CADM2: variants seen among roughly 807,000 people sequenced by gnomAD.
CADM2 encodes cell adhesion molecule 2, also known as immunoglobulin superfamily member 4D.
Under a neutral mutation model 49.8 loss-of-function variants are expected in CADM2, and 12 were observed. The observed-to-expected ratio is 0.24, with a 90% CI of 0.15 to 0.39. The LOEUF is 0.39. Among genes scored for constraint, CADM2 ranks in the 10% least tolerant of loss-of-function variants. The probability of loss-of-function intolerance (pLI) is 1.00; values close to 1 mark genes in which losing one functional copy is unlikely to be tolerated. For synonymous variants in CADM2, 214 were observed against 175.4 expected (o/e 1.22, Z -1.74); for missense variants, 378 against 492.3 (o/e 0.77, Z 2.20).
At chr3:85,853,972 A>G (rs190348880) in intron 3 of CADM2, among the ~76,000 whole-genome samples, 1 of 152,296 alleles carries the variant, frequency 6.6e-6, no homozygotes, top group African/African-American at 2.4e-5. Context: ...GTGGTGATGT[A>G]ATGATGAGCC....
intron 5 of CADM2, among the ~76,000 whole-genome samples, chr3:85,898,937 G>GTGTGTGTATATATATATATA (rs796467067): frequency 4.3e-5 from 2 of 46,678 alleles, no homozygotes; most frequent in Admixed American, 3.5e-4. Context: ...CATTTATTGT[G>GTGTGTGTATATATATATATA]TATATATATA....
chr3:85,440,448 C>T (rs2037147651), intron 1 of CADM2, among the ~76,000 whole-genome samples: 1 of 152,042 alleles, frequency 6.6e-6, no homozygotes, highest in Non-Finnish European at 1.5e-5. Flanking sequence ...TTTACAAAAG[C>T]AAGTGAGTAT....
At chr3:86,062,521 T>C (rs1432020170) in intron 8 of CADM2, among the ~76,000 whole-genome samples, 1 of 152,154 alleles carries the variant, frequency 6.6e-6, no homozygotes, top group Non-Finnish European at 1.5e-5. Flanking sequence ...CTCACACCTG[T>C]AATCCCAGCA....
intron 1 of CADM2, among the ~76,000 whole-genome samples, chr3:85,470,264 A>C (rs187786668): frequency 1.3e-5 from 2 of 152,256 alleles, no homozygotes; most frequent in Admixed American, 6.5e-5. Flanking sequence ...ATGCATCTTA[A>C]GGTGGTGATG....
chr3:85,325,688 CAAA>C (rs35096319), intron 1 of CADM2, among the ~76,000 whole-genome samples: 9,655 of 92,576 alleles, frequency 0.1, 538 homozygotes, highest in African/African-American at 0.22. Flanking sequence ...AAGACTCCAT[CAAA>C]AAAAAAAAAA....
chr3:85,288,562 C>G (rs79547073), intron 1 of CADM2, among the ~76,000 whole-genome samples: 1 of 151,892 alleles, frequency 6.6e-6, no homozygotes, highest in African/African-American at 2.4e-5. Flanking sequence ...GCATAATGCT[C>G]TGCAGAATTT....
At chr3:85,163,681 T>C (rs2040391198) in intron 1 of CADM2, among the ~76,000 whole-genome samples, 1 of 152,104 alleles carries the variant, frequency 6.6e-6, no homozygotes, top group African/African-American at 2.4e-5. Context: ...TACTCATTTA[T>C]CTTTTCACAG....
At chr3:85,395,369 T>A (rs979252041) in intron 1 of CADM2, among the ~76,000 whole-genome samples, 11 of 151,068 alleles carry the variant, frequency 7.3e-5, no homozygotes, top group African/African-American at 2.7e-4. Flanking sequence ...ATTGGCTACC[T>A]CTTAGAGCAT....
intron 2 of CADM2, among the ~76,000 whole-genome samples, chr3:85,785,907 A>G (rs1240787140): frequency 1.1e-4 from 16 of 152,120 alleles, no homozygotes; most frequent in African/African-American, 3.6e-4. Flanking sequence ...GTACATAGCA[A>G]CTTCCTCAGT....
chr3:85,451,313 A>C (rs1437578835), intron 1 of CADM2, among the ~76,000 whole-genome samples: 1 of 152,104 alleles, frequency 6.6e-6, no homozygotes, highest in African/African-American at 2.4e-5. Flanking sequence ...TCAATGGACA[A>C]AAGCTAATTT....
chr3:85,310,963 A>C (rs2044327896), intron 1 of CADM2, among the ~76,000 whole-genome samples: 3 of 152,318 alleles, frequency 2.0e-5, no homozygotes, highest in Admixed American at 6.5e-5. Context: ...GTTCTAAACT[A>C]TGCTAGAGGC....
chr3:85,648,754 A>G (rs1320847084), intron 1 of CADM2, among the ~76,000 whole-genome samples: 1 of 152,044 alleles, frequency 6.6e-6, no homozygotes, highest in Non-Finnish European at 1.5e-5. Context: ...TTTTACACAC[A>G]TTACAAGAGC....
intron 1 of CADM2, among the ~76,000 whole-genome samples, chr3:85,396,635 T>C (rs994523657): frequency 7.2e-5 from 11 of 152,088 alleles, no homozygotes; most frequent in Admixed American, 3.3e-4. Flanking sequence ...ATGTCTTTGA[T>C]ATTTAATGTT....
intron 1 of CADM2, among the ~76,000 whole-genome samples, chr3:85,155,182 A>G (rs1288536716): frequency 6.7e-6 from 1 of 150,228 alleles, no homozygotes; most frequent in African/African-American, 2.5e-5. Flanking sequence ...AGTGTGCTGT[A>G]TTCAGGAAAC....
chr3:85,612,526 C>A (rs1291705361), intron 1 of CADM2, among the ~76,000 whole-genome samples: 1 of 151,726 alleles, frequency 6.6e-6, no homozygotes, highest in African/African-American at 2.4e-5. Context: ...CGTTTGGAAT[C>A]ATTCATACAT....
At chr3:86,037,262 A>G (rs1437118690) in intron 8 of CADM2, among the ~76,000 whole-genome samples, 1 of 152,188 alleles carries the variant, frequency 6.6e-6, no homozygotes, top group Non-Finnish European at 1.5e-5. Context: ...GTTAAGCACA[A>G]ATGTGTTACT....
At chr3:85,628,190 A>T (rs1359592087) in intron 1 of CADM2, among the ~76,000 whole-genome samples, 1 of 152,036 alleles carries the variant, frequency 6.6e-6, no homozygotes, top group Non-Finnish European at 1.5e-5. Flanking sequence ...GGAAAAGTAG[A>T]TATAATTACA....
chr3:85,077,549 C>T (rs2036993861), intron 1 of CADM2, among the ~76,000 whole-genome samples: 1 of 152,038 alleles, frequency 6.6e-6, no homozygotes, highest in South Asian at 2.1e-4. Context: ...TAAACCCAAA[C>T]TATAACATCT....
Position 85,406,341 on chromosome 3 carries a change from A to G in CADM2, c.62-320181A>G, listed in dbSNP as rs2035376352. 4.6e-5 allele frequency among the ~76,000 whole-genome samples: 7 copies of G among 152,088 alleles called. No individual in the cohort carries two copies. The South Asian group carries it at 1.5e-3, about 32-fold the overall frequency. On this transcript the variant is annotated intron_variant, in intron 1 of 9. Transcript: ENST00000383699. ...CTGAGAAGATACTATATTTTTACAC[A>G]TCACAAATATTTTTTGAAAAAAATT... is the stretch of plus-strand genomic sequence containing the variant.
Sources: gnomAD v4.1 joint callset for allele counts (sites outside exome capture counted in the v4.1 genomes callset) on GRCh38, gnomAD v4.1.1 for gene constraint, MANE v1.5 for transcripts, NCBI Gene and HGNC (gene_info 2026-07-23, HGNC 2026-07-21) for gene names.